The following POLQ variants were observed in gnomAD, a reference collection of about 807,000 sequenced individuals.
POLQ encodes the protein epididymis secretory sperm binding protein.
Under a neutral mutation model 259.2 loss-of-function variants are expected in POLQ, and 233 were observed. That is an observed-to-expected ratio of 0.90 (90% CI 0.81 to 1.00). The LOEUF (loss-of-function observed/expected upper bound fraction) is 1.00, where lower values mean the gene tolerates loss of function less well. POLQ is among the 50% of genes least tolerant of loss of function. The pLI, the probability that POLQ is intolerant of heterozygous loss-of-function variation, is 0.00. For synonymous variants in POLQ, 1,025 were observed against 1,048.8 expected, an observed-to-expected ratio of 0.98 and a Z score of 0.44; for missense variants, 2,871 against 3,051.6, an observed-to-expected ratio of 0.94 and a Z score of 1.39.
chr3:121,472,994 C>T (rs1347051946), intron 21 of POLQ, among the ~76,000 whole-genome samples: 6 of 152,120 alleles, frequency 3.9e-5, no homozygotes, highest in Admixed American at 6.5e-5. Flanking sequence ...GAGGCTGAGG[C>T]GGGAGGATCC....
At chr3:121,484,688 G>T (rs550259668) in intron 17 of POLQ, among the ~76,000 whole-genome samples, 43 of 152,260 alleles carry the variant, frequency 2.8e-4, no homozygotes, top group Middle Eastern at 6.8e-3. Context: ...ATCACCTGAG[G>T]TAAGGAGTTC....
intron 2 of POLQ, among the ~76,000 whole-genome samples, chr3:121,542,243 C>T (rs889547266): frequency 1.3e-5 from 2 of 151,622 alleles, no homozygotes; most frequent in Admixed American, 6.6e-5. Context: ...GAGGAGGCCA[C>T]GATGGGCAAG....
At chr3:121,476,480 AC>A in intron 20 of POLQ, 59 bp downstream of exon 20, 1 of 1,264,182 alleles carries the variant, frequency 7.9e-7, no homozygotes, top group Non-Finnish European at 1.1e-6. Flanking sequence ...ACACACACAC[AC>A]ACACAATCAT....
intron 10 of POLQ, among the ~76,000 whole-genome samples, chr3:121,510,697 A>G (rs906169740): frequency 3.2e-4 from 49 of 152,320 alleles, no homozygotes; most frequent in African/African-American, 1.1e-3. Context: ...GAGATTCTTT[A>G]TTTACTTTCC....
Position 121,510,357 on chromosome 3 carries a change from C to T in POLQ, c.1612-114G>A, listed in dbSNP as rs952886181. 5.9e-6 allele frequency: 4 copies of T among 679,474 alleles called. No homozygotes were observed. In the Admixed American group the frequency reaches 1.0e-4, roughly 17 times the overall value. 42.1% of individuals were successfully genotyped at this position (679,474 alleles called of 1,614,324 possible). A position where few individuals can be genotyped will look rare whatever the true frequency, so the allele number is the denominator to read the frequency against. Reference sequence around the variant, plus strand: ...CTTTGGGAGTCCGAGGCGGGCGGATCACGAGGTCTGGAGATGGAGACCATC... The same window carrying T: ...CTTTGGGAGTCCGAGGCGGGCGGATTACGAGGTCTGGAGATGGAGACCATC... On this transcript the variant is annotated intron_variant, in intron 10 of 29. Transcript: ENST00000264233.
intron 12 of POLQ, among the ~76,000 whole-genome samples, chr3:121,508,016 ATTTT>A (rs4048669): frequency 7.7e-6 from 1 of 129,642 alleles, no homozygotes; most frequent in Non-Finnish European, 1.6e-5. Flanking sequence ...ACCATACACA[ATTTT>A]TTTTTTTTTT....
chr3:121,532,220 T>C (rs79910406), intron 6 of POLQ, among the ~76,000 whole-genome samples: 2,753 of 152,300 alleles, frequency 0.018, 31 homozygotes, highest in South Asian at 0.034. Flanking sequence ...TCAACTACTA[T>C]CTCAGCCATA....
At chr3:121,458,326 G>T (rs1365793491) in intron 25 of POLQ, among the ~76,000 whole-genome samples, 2 of 151,774 alleles carry the variant, frequency 1.3e-5, no homozygotes, top group African/African-American at 2.4e-5. Flanking sequence ...CATGGCACAT[G>T]TATACATATG....
intron 25 of POLQ, among the ~76,000 whole-genome samples, chr3:121,455,237 G>T (rs1464628312): frequency 1.4e-5 from 2 of 145,404 alleles, no homozygotes; most frequent in Non-Finnish European, 3.0e-5. Context: ...AAAGCAGTGT[G>T]TAGAGGGAAA....
chr3:121,503,165 A>G (rs562841103), intron 12 of POLQ, among the ~76,000 whole-genome samples: 2 of 152,220 alleles, frequency 1.3e-5, no homozygotes, highest in Non-Finnish European at 2.9e-5. Flanking sequence ...CTAGATACAC[A>G]AATACTTACC....
At chr3:121,526,892 C>CGT (rs1560107330) in intron 7 of POLQ, among the ~76,000 whole-genome samples, 7 of 87,732 alleles carry the variant, frequency 8.0e-5, no homozygotes, top group Non-Finnish European at 1.5e-4. Flanking sequence ...TGTGTGTGTG[C>CGT]GCGCGCGCAC....
At position 121,522,048 on chromosome 3, in the gene POLQ, C is replaced by T. The variant is rs1367483611; in HGVS notation, c.1210G>A (p.Val404Ile). The T allele has an allele frequency of 3.1e-6, 5 of 1,604,764 alleles. No homozygotes were observed. In the South Asian group the frequency reaches 5.6e-5, roughly 18 times the overall value. The change falls in exon 8 of 30, where the codon GTA (valine) becomes ATA (isoleucine). Residue 404 changes from valine (V) to isoleucine (I), a missense_variant. Val to Ile is a conservative substitution (Grantham distance 29, BLOSUM62 3). Transcript: ENST00000264233. ...LRRLPSGLDS[V>I]LQKTVPWGVA... ...CCCCATGGTACAGTTTTCTGTAATA[C>T]AGAGTCCAGTCCTGAAGGCAAACGT... is the stretch of plus-strand genomic sequence containing the variant.
At position 121,489,472 on chromosome 3, in the gene POLQ, C is replaced by T; in HGVS notation, c.3459G>A (p.Val1153=). 6.2e-7 allele frequency: 1 copy of T among 1,613,990 alleles called. No individual in the cohort carries two copies. ...CTACTCCTCTGCCCTTTTCACTAAC[C>T]ACACTAGTGGCCTGACAAGTCACAT... is the stretch of plus-strand genomic sequence containing the variant. The part of the protein sequence containing the change: ...SKNVTCQATS[V]VSEKGRGVAV... Residue 1153 remains valine, a synonymous_variant, in exon 16 of 30, where the codon GTG becomes GTA. Coordinates refer to ENST00000264233, the MANE Select transcript of POLQ (RefSeq NM_199420.4).
chr3:121,479,750 G>C (rs1157146412), intron 19 of POLQ, among the ~76,000 whole-genome samples: 1 of 152,084 alleles, frequency 6.6e-6, no homozygotes, highest in Non-Finnish European at 1.5e-5. Flanking sequence ...ACTGCACCCG[G>C]CTGCCTTATA....
chr3:121,501,673 A>G (rs995091271), intron 12 of POLQ, among the ~76,000 whole-genome samples: 3 of 144,910 alleles, frequency 2.1e-5, no homozygotes, highest in Non-Finnish European at 3.0e-5. Flanking sequence ...AAAAAAAAAA[A>G]AAAAAAAAAA....
intron 9 of POLQ, among the ~76,000 whole-genome samples, chr3:121,518,122 A>C (rs1053416774): frequency 3.9e-5 from 6 of 152,172 alleles, no homozygotes; most frequent in Admixed American, 1.3e-4. Context: ...TCAATACAAA[A>C]CCTTGTTTTA....
At chr3:121,464,754 TCTA>T (rs2047821770) in intron 24 of POLQ, among the ~76,000 whole-genome samples, 1 of 152,234 alleles carries the variant, frequency 6.6e-6, no homozygotes, top group Non-Finnish European at 1.5e-5. Flanking sequence ...TTAGGCTATG[TCTA>T]TAAGATGTAT....
At chr3:121,453,461 A>C (rs2047698376) in intron 25 of POLQ, among the ~76,000 whole-genome samples, 1 of 152,102 alleles carries the variant, frequency 6.6e-6, no homozygotes, top group African/African-American at 2.4e-5. Flanking sequence ...GAGGAAATTC[A>C]AGCAAAAGGC....
chr3:121,473,727 CTTT>C (rs10636473), intron 20 of POLQ, among the ~76,000 whole-genome samples: 5 of 114,252 alleles, frequency 4.4e-5, no homozygotes, highest in Non-Finnish European at 8.6e-5. Context: ...AACACAAGGC[CTTT>C]TTTTTTTTTT....
Sources: gnomAD v4.1 joint callset for allele counts (sites outside exome capture counted in the v4.1 genomes callset) on GRCh38, gnomAD v4.1.1 for gene constraint, MANE v1.5 for transcripts, NCBI Gene and HGNC (gene_info 2026-07-23, HGNC 2026-07-21) for gene names.